TTLL6: variants seen among roughly 807,000 people sequenced by gnomAD.
TTLL6 encodes the protein tubulin tyrosine ligase like 6, also known as tubulin polyglutamylase TTLL6.
A neutral mutation model predicts 96.4 loss-of-function variants in TTLL6; 75 were observed. The observed-to-expected ratio is 0.78, with a 90% confidence interval of 0.65 to 0.94. The LOEUF is 0.94. Ranked by LOEUF, TTLL6 falls within the 40% of genes least tolerant of loss-of-function variation. The probability of loss-of-function intolerance (pLI) is 0.00; values close to 1 mark genes in which losing one functional copy is unlikely to be tolerated. For synonymous variants in TTLL6, 411 were observed against 419.4 expected, an observed-to-expected ratio of 0.98 and a Z score of 0.24; for missense variants, 1,030 against 1,093.0, an observed-to-expected ratio of 0.94 and a Z score of 0.81.
chr17:48,795,935 T>G, intron 8 of TTLL6, 126 bp downstream of exon 8: 1 of 699,146 alleles, frequency 1.4e-6, no homozygotes, highest in Non-Finnish European at 2.4e-6. Context: ...GGCAAAGGAG[T>G]ATATTCTCAG....
intron 1 of TTLL6, among the ~76,000 whole-genome samples, chr17:48,809,494 G>A (rs979125930): frequency 9.9e-5 from 15 of 152,104 alleles, no homozygotes; most frequent in African/African-American, 3.6e-4. Flanking sequence ...TAGAAGTGCG[G>A]GTTCTCTTTG....
intron 13 of TTLL6, 92 bp from the exon 14 acceptor site, chr17:48,770,189 G>A (rs1597959168): frequency 1.4e-6 from 2 of 1,470,312 alleles, no homozygotes; most frequent in Non-Finnish European, 1.8e-6. Context: ...TTGAGACAAG[G>A]TCTTGCTATG....
intron 1 of TTLL6, among the ~76,000 whole-genome samples, chr17:48,813,961 A>G (rs1372263303): frequency 1.3e-5 from 2 of 152,268 alleles, no homozygotes; most frequent in South Asian, 2.1e-4. Flanking sequence ...CTGGTCCCCA[A>G]GTTATCTTCC....
intron 6 of TTLL6, 86 bp downstream of exon 6, chr17:48,799,518 C>T (rs2039373547): frequency 8.0e-6 from 11 of 1,374,738 alleles, no homozygotes; most frequent in Non-Finnish European, 1.1e-5. Flanking sequence ...CTTCACCCTC[C>T]ATCCCCTCAT....
Position 48,764,976 on chromosome 17 carries a change from AACAG to A in TTLL6, c.*1-2007_*1-2004del, listed in dbSNP as rs914124051. Among the ~76,000 whole-genome samples, 18 of 152,338 alleles carry A rather than the reference AACAG, an allele frequency of 1.2e-4. 1 individual carries two copies. The highest frequency in any genetic ancestry group is 3.8e-4 in the African/African-American group (16 of 41,584). On this transcript the variant is annotated intron_variant, in intron 15 of 15. Transcript: ENST00000393382. ...AAGACTAATATGAAAAGTATCATTT[AACAG>A]ACAGATAGTATGGCTTCAAGAGTTT... is the stretch of plus-strand genomic sequence containing the variant.
chr17:48,810,817 A>ATG lies in TTLL6; in HGVS notation c.104-5828_104-5827dup, dbSNP rs141240622. ...TAGTACATATATACACATATATAGTATGTGTGTGTATATATATATATATAT... is the reference window on the plus strand; with the variant it reads ...TAGTACATATATACACATATATAGTATGTGTGTGTGTATATATATATATATAT... On this transcript the variant is annotated intron_variant, in intron 1 of 15. Transcript: ENST00000393382. Among the ~76,000 whole-genome samples the ATG allele has an allele frequency of 4.5e-3, 171 of 38,296 alleles. 8 individuals are homozygous for ATG. The highest frequency in any genetic ancestry group is 0.025 in the African/African-American group (143 of 5,788). 25.1% of individuals were successfully genotyped at this position (38,296 alleles called of 152,430 possible).
At position 48,787,823 on chromosome 17, in the gene TTLL6, T is replaced by A. The variant is rs2039134216; in HGVS notation, c.1577A>T (p.Glu526Val). The A allele has an allele frequency of 2.5e-6, 4 of 1,613,970 alleles. No individual in the cohort carries two copies. Among genetic ancestry groups the A allele is most frequent in the Non-Finnish European group, 3.4e-6 (4 of 1,179,922 alleles). Residue 526 changes from glutamate to valine, a missense_variant, in exon 11 of 16, where the codon GAG becomes GTG. Physicochemically the swap from Glu to Val is moderately radical, Grantham distance 121. Coordinates refer to ENST00000393382, the MANE Select transcript of TTLL6 (RefSeq NM_001130918.3). The part of the protein sequence containing the change: ...FQNTVASRAR[E>V]EYARQLIQEL... ...GATGTCTTCCTACCGGGCATACTCCTCCCGAGCCCTGGAAGCAACAGTATT... is the reference window on the plus strand; with the variant it reads ...GATGTCTTCCTACCGGGCATACTCCACCCGAGCCCTGGAAGCAACAGTATT...
intron 5 of TTLL6, chr17:48,800,080 G>A (rs1177758056): frequency 8.0e-6 from 2 of 250,796 alleles, no homozygotes; most frequent in African/African-American, 4.3e-5. Context: ...ACCTCCTGTG[G>A]TGCCTAGTTG....
chr17:48,785,548 T>A (rs558216364), intron 12 of TTLL6, among the ~76,000 whole-genome samples: 1 of 152,278 alleles, frequency 6.6e-6, no homozygotes, highest in South Asian at 2.1e-4. Context: ...CAGGTGAGCC[T>A]TTGAGACAAA....
At chr17:48,787,659 G>T (rs1023616153) in intron 11 of TTLL6, 152 bp downstream of exon 11, 1 of 674,326 alleles carries the variant, frequency 1.5e-6, no homozygotes, top group Non-Finnish European at 2.4e-6. Flanking sequence ...GCCTCCTAAA[G>T]TGCTAGGACT....
At chr17:48,763,137 C>A (rs1280546226) in intron 15 of TTLL6, among the ~76,000 whole-genome samples, 164 bp from the exon 16 acceptor site, 1 of 150,728 alleles carries the variant, frequency 6.6e-6, no homozygotes, top group Non-Finnish European at 1.5e-5. Flanking sequence ...CAACATTCAT[C>A]TTCCTGTAGC....
At position 48,801,244 on chromosome 17, in the gene TTLL6, G is replaced by A. The variant is rs1199054559; in HGVS notation, c.611+11C>T. ...GAGTGGAGAAGGAAGTACAGGGCGG[G>A]GGGCACTCACTCAGCAGGAAGACAC... On this transcript the variant is annotated intron_variant, in intron 5 of 15. Transcript: ENST00000393382. 1.9e-6 allele frequency: 3 copies of A among 1,550,828 alleles called. No homozygotes were observed. In the African/African-American group the frequency reaches 4.1e-5, roughly 21 times the overall value.
At chr17:48,811,939 G>A (rs1032242242) in intron 1 of TTLL6, among the ~76,000 whole-genome samples, 7 of 152,038 alleles carry the variant, frequency 4.6e-5, no homozygotes, top group Non-Finnish European at 1.0e-4. Context: ...GAACTCAGGT[G>A]ATCCGCCCAC....
At chr17:48,769,587 C>T in intron 14 of TTLL6, 141 bp downstream of exon 14, 1 of 1,032,608 alleles carries the variant, frequency 9.7e-7, no homozygotes, top group Non-Finnish European at 1.4e-6. Flanking sequence ...GACTGTGTCT[C>T]CACCATCAGA....
chr17:48,804,704 C>T (rs1011058962), intron 2 of TTLL6, 68 bp downstream of exon 2: 5 of 1,316,472 alleles, frequency 3.8e-6, no homozygotes, highest in East Asian at 2.5e-5. Context: ...CAGCCAAGAC[C>T]CCCTTCCCTC....
At chr17:48,808,688 C>T (rs998229040) in intron 1 of TTLL6, among the ~76,000 whole-genome samples, 1 of 152,174 alleles carries the variant, frequency 6.6e-6, no homozygotes, top group Non-Finnish European at 1.5e-5. Context: ...CCTGCCTCAC[C>T]CTCCTGAGTA....
intron 13 of TTLL6, among the ~76,000 whole-genome samples, chr17:48,774,096 C>CAA (rs1286139436): frequency 4.5e-5 from 2 of 44,248 alleles, no homozygotes; most frequent in East Asian, 1.6e-3. Flanking sequence ...AAAAACAAAA[C>CAA]AAAAAAAAAA....
At chr17:48,776,895 A>G (rs1161020053) in intron 13 of TTLL6, among the ~76,000 whole-genome samples, 1 of 152,128 alleles carries the variant, frequency 6.6e-6, no homozygotes, top group Non-Finnish European at 1.5e-5. Context: ...AAGGACCTAG[A>G]AGACCCAAAA....
In TTLL6 at chr17:48,787,976, C is replaced by G. The variant is rs778668276; in HGVS notation, c.1424G>C (p.Arg475Pro). 1 of 1,614,008 alleles carries G rather than the reference C, an allele frequency of 6.2e-7. No individual in the cohort carries two copies. The highest frequency in any genetic ancestry group is 8.5e-7 in the Non-Finnish European group (1 of 1,179,976). The change falls in exon 11 of 16, where the codon CGG becomes CCG. Residue 475 changes from arginine to proline, a missense_variant. By Grantham distance (103) the Arg-to-Pro change is moderately radical. Transcript: ENST00000393382. ...EMRIEEAKGF[R>P]AVQLKKTETY... ...TTCAGTTTTCTTTAACTGCACGGCC[C>G]GGAAACCCTTGGCTTCCTCAATCCT...
Sources: gnomAD v4.1 joint callset for allele counts (sites outside exome capture counted in the v4.1 genomes callset) on GRCh38, gnomAD v4.1.1 for gene constraint, MANE v1.5 for transcripts, NCBI Gene and HGNC (gene_info 2026-07-23, HGNC 2026-07-21) for gene names.